RGS12: variants seen among roughly 807,000 people sequenced by gnomAD.
RGS12 encodes regulator of G-protein signaling 12.
In RGS12, 66 loss-of-function variants were observed where a neutral mutation model predicts 120.1. That is an observed-to-expected ratio of 0.55 (90% confidence interval 0.45 to 0.67). The LOEUF (loss-of-function observed/expected upper bound fraction) is 0.67, where lower values mean the gene tolerates loss of function less well. Among genes scored for constraint, RGS12 ranks in the 30% least tolerant of loss-of-function variants. The probability of loss-of-function intolerance (pLI) is 0.00; values close to 1 mark genes in which losing one functional copy is unlikely to be tolerated. For synonymous variants in RGS12, 827 were observed against 804.7 expected, an observed-to-expected ratio of 1.03 and a Z score of -0.47; for missense variants, 1,859 against 1,957.7, an observed-to-expected ratio of 0.95 and a Z score of 0.95.
intron 3 of RGS12, among the ~76,000 whole-genome samples, chr4:3,381,994 C>G: frequency 6.6e-6 from 1 of 152,174 alleles, no homozygotes; most frequent in Non-Finnish European, 1.5e-5. Context: ...CTGCCAGCAC[C>G]CAGCACCACT....
At chr4:3,369,952 A>G in intron 3 of RGS12, 2 of 1,064,784 alleles carry the variant, frequency 1.9e-6, no homozygotes, top group Non-Finnish European at 2.3e-6. Context: ...AATTCTCTGC[A>G]GCTGTTTTAC....
chr4:3,365,634 G>T lies in RGS12; in HGVS notation c.1999-20782G>T, dbSNP rs183433603. 6.6e-6 allele frequency among the ~76,000 whole-genome samples: 1 copy of T among 152,170 alleles called. No homozygotes were observed. Among genetic ancestry groups the T allele is most frequent in the African/African-American group, 2.4e-5 (1 of 41,444 alleles). On this transcript the variant is annotated intron_variant, in intron 3 of 17. Transcript: ENST00000336727. This position sits in a 1 kb window ranked among gnomAD's most constrained non-coding sequence, Gnocchi z 4.0. The stretch of plus-strand genomic sequence containing the variant: ...CTGGCCTCCCACTCACCTCTGGGAC[G>T]ACGTGCCGCACGTCACATTGTGTAG...
At position 3,370,369 on chromosome 4, in the gene RGS12, C is replaced by T. The variant is rs773426794; in HGVS notation, c.1999-16047C>T. 12 of 1,568,332 alleles carry T rather than the reference C, an allele frequency of 7.7e-6. No individual in the cohort carries two copies. The Admixed American group carries it at 1.2e-4, about 15-fold the overall frequency. Reference sequence around the variant, plus strand: ...TTTCATTTAATCAGTGGTAGGAAAGCGTGGCACCCTGGCTATCCTGTTTTA... The same window carrying T: ...TTTCATTTAATCAGTGGTAGGAAAGTGTGGCACCCTGGCTATCCTGTTTTA... On this transcript the variant is annotated intron_variant, in intron 3 of 17. Transcript: ENST00000336727.
intron 11 of RGS12, 140 bp downstream of exon 11, chr4:3,422,710 C>T: frequency 9.2e-7 from 1 of 1,092,752 alleles, no homozygotes; most frequent in East Asian, 2.5e-5. Context: ...GCCGGATTAT[C>T]TGAACTGAGC....
intron 2 of RGS12, among the ~76,000 whole-genome samples, chr4:3,332,893 C>T (rs1046733598): frequency 2.6e-5 from 4 of 152,024 alleles, no homozygotes; most frequent in Non-Finnish European, 5.9e-5. Context: ...GGTGCGATCT[C>T]GGCTCACTGC....
intron 1 of RGS12, among the ~76,000 whole-genome samples, chr4:3,311,207 T>C (rs1187224995): frequency 1.3e-5 from 2 of 152,170 alleles, no homozygotes; most frequent in Admixed American, 1.3e-4. Context: ...CCTCACACTG[T>C]GTGCACGGGC....
chr4:3,375,576 C>G (rs1331296170), intron 3 of RGS12, among the ~76,000 whole-genome samples: 69 of 72,668 alleles, frequency 9.5e-4, no homozygotes, highest in Non-Finnish European at 1.4e-3. Context: ...TCATCTCCAG[C>G]CTCATCTCCA....
At chr4:3,326,397 C>T (rs1296018925) in intron 2 of RGS12, among the ~76,000 whole-genome samples, 1 of 152,210 alleles carries the variant, frequency 6.6e-6, no homozygotes. Flanking sequence ...CAGGTGCATA[C>T]TACCATGCCT....
chr4:3,307,310 G>A (rs1237019518), intron 1 of RGS12, among the ~76,000 whole-genome samples: 1 of 152,232 alleles, frequency 6.6e-6, no homozygotes, highest in South Asian at 2.1e-4. Context: ...GACAGGCCAC[G>A]CTGCGGCAGC....
At chr4:3,309,976 C>T (rs1202464995) in intron 1 of RGS12, among the ~76,000 whole-genome samples, 4 of 142,772 alleles carry the variant, frequency 2.8e-5, no homozygotes, top group Middle Eastern at 4.4e-3. Context: ...GAGCTGGGAC[C>T]CGGGAATGGC....
chr4:3,312,453 G>A, intron 1 of RGS12: 1 of 213,378 alleles, frequency 4.7e-6, no homozygotes, highest in Non-Finnish European at 1.0e-5. Context: ...GAGGGTGTGA[G>A]GGTTGCGTTC....
At chr4:3,321,708 C>T (rs999035910) in intron 2 of RGS12, among the ~76,000 whole-genome samples, 8 of 152,204 alleles carry the variant, frequency 5.3e-5, no homozygotes, top group Admixed American at 6.5e-5. Flanking sequence ...GCCACGTCAG[C>T]TCCTCCCCCC....
chr4:3,298,119 G>T (rs1243304677), intron 1 of RGS12, among the ~76,000 whole-genome samples: 1 of 152,066 alleles, frequency 6.6e-6, no homozygotes, highest in African/African-American at 2.4e-5. Flanking sequence ...TCATAGAAGC[G>T]GCTCTTTTCC....
intron 2 of RGS12, among the ~76,000 whole-genome samples, chr4:3,339,232 C>T (rs1427748004): frequency 1.3e-5 from 2 of 152,166 alleles, no homozygotes; most frequent in Admixed American, 6.5e-5. Flanking sequence ...CCTGTAATCT[C>T]AGCACTTTGG....
Position 3,420,635 on chromosome 4 carries a change from T to C in RGS12, c.2762-7T>C. The stretch of plus-strand genomic sequence containing the variant: ...TTGACGTGAGTCACTGTGTTTCCCC[T>C]GTCAAGACGCCCTGCATGCCAATGG... On this transcript the variant is annotated splice_region_variant and splice_polypyrimidine_tract_variant and intron_variant, in intron 9 of 17. Coordinates refer to ENST00000336727, the MANE Select transcript of RGS12 (RefSeq NM_001394154.1). The C allele has an allele frequency of 1.2e-6, 2 of 1,613,428 alleles. No individual in the cohort carries two copies. The highest frequency in any genetic ancestry group is 1.3e-5 in the African/African-American group (1 of 75,058).
intron 17 of RGS12, chr4:3,432,100 G>A: frequency 1.0e-6 from 1 of 985,518 alleles, no homozygotes; most frequent in South Asian, 4.7e-5. Context: ...ATCCGTCTTG[G>A]TGGACACCTG....
At chr4:3,436,084 C>T (rs950008658) in intron 17 of RGS12, among the ~76,000 whole-genome samples, 1 of 152,204 alleles carries the variant, frequency 6.6e-6, no homozygotes. Flanking sequence ...CCATCACACA[C>T]AGTCATGATC....
Position 3,430,796 on chromosome 4 carries a change from A to G in RGS12, c.3955A>G (p.Arg1319Gly), listed in dbSNP as rs1724206068. ...AQEGTAQIWK[R>G]QSQEVEAGGI... ...GGAGGGCACCGCCCAGATCTGGAAG[A>G]GGCAGTCTCAGGAAGTGGAGGCCGG... The change falls in exon 17 of 18, where the codon AGG becomes GGG. Residue 1319 changes from arginine to glycine, a missense_variant. This residue lies in a region of RGS12 where 517 missense variants were observed against 488.5 expected (regional missense o/e 1.06). Coordinates refer to ENST00000336727, the MANE Select transcript of RGS12 (RefSeq NM_001394154.1). The G allele has an allele frequency of 1.2e-6, 2 of 1,611,594 alleles. No individual in the cohort carries two copies. The highest frequency in any genetic ancestry group is 1.3e-5 in the African/African-American group (1 of 74,854).
chr4:3,416,066 C>T lies in RGS12; in HGVS notation c.2372C>T (p.Ala791Val). The T allele has an allele frequency of 6.2e-7, 1 of 1,614,094 alleles. No homozygotes were observed. Among genetic ancestry groups the T allele is most frequent in the South Asian group, 1.1e-5 (1 of 91,068 alleles). Residue 791 changes from alanine (A) to valine (V), a missense_variant, in exon 7 of 18, where the codon GCA becomes GTA. By Grantham distance (64) the Ala-to-Val change is moderately conservative. Coordinates refer to ENST00000336727, the MANE Select transcript of RGS12 (RefSeq NM_001394154.1). The stretch of plus-strand genomic sequence containing the variant: ...AACATCGACAGCCAGGCCCAGCTAG[C>T]AGACGACGTCCTCCGCGCACCTCAC... ...PVNIDSQAQLADDVLRAPHPD... is the reference protein window; with the variant it reads ...PVNIDSQAQLVDDVLRAPHPD...
Sources: allele counts gnomAD v4.1 joint callset (sites outside exome capture counted in the v4.1 genomes callset), GRCh38; gene constraint gnomAD v4.1.1; regional missense constraint gnomAD v4.1.1; non-coding constraint Gnocchi (gnomAD v3.1); transcripts MANE v1.5; gene names NCBI Gene and HGNC (gene_info 2026-07-23, HGNC 2026-07-21).